The following MCC variants were observed in gnomAD, a reference collection of about 807,000 sequenced individuals.
MCC encodes the protein MCC regulator of Wnt signaling pathway.
In MCC, 90 loss-of-function variants were observed where a neutral mutation model predicts 116.2. That is an observed-to-expected ratio of 0.77 (90% CI 0.65 to 0.92). The LOEUF (loss-of-function observed/expected upper bound fraction) is 0.92, where lower values mean the gene tolerates loss of function less well. MCC is among the 40% of genes least tolerant of loss of function. MCC has a pLI of 0.00. For missense variants in MCC, 1,516 were observed against 1,312.2 expected, an observed-to-expected ratio of 1.16 and a Z score of -2.40; for synonymous variants, 578 against 510.5, an observed-to-expected ratio of 1.13 and a Z score of -1.78.
chr5:113,328,198 A>T (rs1370764977), intron 3 of MCC, among the ~76,000 whole-genome samples: 1 of 152,204 alleles, frequency 6.6e-6, no homozygotes, highest in Non-Finnish European at 1.5e-5. Context: ...TTGAAGAGGG[A>T]CTGGCCATCT....
At chr5:113,392,705 T>C (rs901603264) in intron 1 of MCC, among the ~76,000 whole-genome samples, 2 of 152,160 alleles carry the variant, frequency 1.3e-5, no homozygotes, top group African/African-American at 2.4e-5. Context: ...TGGATGTTTA[T>C]TGTATGCCAG....
chr5:113,081,559 G>C (rs999182414), intron 11 of MCC, among the ~76,000 whole-genome samples: 2 of 152,132 alleles, frequency 1.3e-5, no homozygotes, highest in African/African-American at 4.8e-5. Flanking sequence ...AGAATCTGTA[G>C]AGAGGAGATC....
At chr5:113,038,268 G>C (rs887759698) in intron 17 of MCC, among the ~76,000 whole-genome samples, 3 of 152,070 alleles carry the variant, frequency 2.0e-5, no homozygotes, top group African/African-American at 7.2e-5. Flanking sequence ...ATGTCCAGTG[G>C]GCATGAGGTT....
At position 113,177,651 on chromosome 5, in the gene MCC, AC is replaced by A. The variant is rs199863014; in HGVS notation, c.628-26230del. 1.5e-3 allele frequency among the ~76,000 whole-genome samples: 228 copies of A among 152,226 alleles called. 2 individuals are homozygous for A. Among genetic ancestry groups the A allele is most frequent in the African/African-American group, 5.1e-3 (210 of 41,526 alleles). ...TCACATAAAGACATTATACCAAAAA[AC>A]AAAATTGTTATAGCAATTAGATTTC... On this transcript the variant is annotated intron_variant, in intron 3 of 18. Coordinates refer to ENST00000408903, the MANE Select transcript of MCC (RefSeq NM_001085377.2).
intron 3 of MCC, among the ~76,000 whole-genome samples, chr5:113,219,929 G>A (rs561325166): frequency 1.3e-5 from 2 of 151,662 alleles, no homozygotes; most frequent in South Asian, 2.1e-4. Flanking sequence ...ACATCCTCCC[G>A]GTCAGTGCCA....
intron 3 of MCC, among the ~76,000 whole-genome samples, chr5:113,321,865 T>C (rs564841206): frequency 1.4e-4 from 22 of 152,316 alleles, no homozygotes; most frequent in African/African-American, 5.3e-4. Flanking sequence ...GAAGTCTCGC[T>C]GTGTTGCCCA....
intron 12 of MCC, among the ~76,000 whole-genome samples, chr5:113,068,653 C>T (rs147445670): frequency 6.6e-6 from 1 of 152,252 alleles, no homozygotes; most frequent in Non-Finnish European, 1.5e-5. Context: ...CACTCTCTCT[C>T]ACTTCACTAT....
chr5:113,266,896 A>G (rs572852540), intron 3 of MCC, among the ~76,000 whole-genome samples: 17 of 152,246 alleles, frequency 1.1e-4, no homozygotes, highest in Admixed American at 1.0e-3. Context: ...TCAGGGATCC[A>G]GGTCACATTT....
chr5:113,118,124 C>T (rs894774685), intron 6 of MCC, among the ~76,000 whole-genome samples: 1 of 152,168 alleles, frequency 6.6e-6, no homozygotes, highest in African/African-American at 2.4e-5. Context: ...GATGAAGAGA[C>T]CTCCAGGGCA....
intron 1 of MCC, among the ~76,000 whole-genome samples, chr5:113,395,464 T>A (rs186301195): frequency 6.6e-6 from 1 of 152,140 alleles, no homozygotes; most frequent in Admixed American, 6.5e-5. Context: ...AAGTTAAATA[T>A]CTCCACAGGT....
chr5:113,084,962 G>C (rs550917967), intron 9 of MCC, among the ~76,000 whole-genome samples: 1 of 152,356 alleles, frequency 6.6e-6, no homozygotes, highest in African/African-American at 2.4e-5. Context: ...CTGGCGTCCA[G>C]GTTGCAGCTG....
chr5:113,207,982 T>C (rs1762980395), intron 3 of MCC, among the ~76,000 whole-genome samples: 1 of 152,070 alleles, frequency 6.6e-6, no homozygotes, highest in Non-Finnish European at 1.5e-5. Flanking sequence ...AGGGAAATTA[T>C]CCAGCTAAAT....
At chr5:113,105,006 T>A (rs1207599550) in intron 6 of MCC, among the ~76,000 whole-genome samples, 1 of 152,254 alleles carries the variant, frequency 6.6e-6, no homozygotes, top group Non-Finnish European at 1.5e-5. Flanking sequence ...TTTGAACCGC[T>A]GGACATCCAG....
chr5:113,194,521 G>A (rs182365496), intron 3 of MCC, among the ~76,000 whole-genome samples: 2 of 152,198 alleles, frequency 1.3e-5, no homozygotes, highest in South Asian at 2.1e-4. Flanking sequence ...AAAACTAACC[G>A]AGCATGCATG....
intron 2 of MCC, among the ~76,000 whole-genome samples, chr5:113,383,268 T>C (rs1004310327): frequency 6.6e-6 from 1 of 152,210 alleles, no homozygotes; most frequent in African/African-American, 2.4e-5. Flanking sequence ...ACTATGTATG[T>C]GTGTACACTT....
chr5:113,126,115 TTTCA>T (rs2150273164), intron 5 of MCC, among the ~76,000 whole-genome samples: 1 of 152,366 alleles, frequency 6.6e-6, no homozygotes, highest in Admixed American at 6.5e-5. Context: ...ATGCATATTC[TTTCA>T]TTCATGTAGA....
intron 3 of MCC, among the ~76,000 whole-genome samples, chr5:113,177,346 A>G (rs970515192): frequency 6.6e-6 from 1 of 152,252 alleles, no homozygotes; most frequent in African/African-American, 2.4e-5. Context: ...ACTAACATTG[A>G]CTAGTTCCTC....
chr5:113,238,409 T>A (rs1193159022), intron 3 of MCC, among the ~76,000 whole-genome samples: 1 of 152,320 alleles, frequency 6.6e-6, no homozygotes, highest in Non-Finnish European at 1.5e-5. Context: ...TATTTCCTAT[T>A]TGGCAATTAT....
At position 113,085,172 on chromosome 5, in the gene MCC, T is replaced by A; in HGVS notation, c.1537A>T (p.Ile513Phe). 3.1e-6 allele frequency: 5 copies of A among 1,614,140 alleles called. No individual in the cohort carries two copies. The highest frequency in any genetic ancestry group is 4.2e-6 in the Non-Finnish European group (5 of 1,180,024). Residue 513 changes from isoleucine to phenylalanine, a missense_variant, in exon 9 of 19, where the codon ATC becomes TTC. Physicochemically the swap from Ile to Phe is conservative, Grantham distance 21. Transcript: ENST00000408903. The part of the protein sequence containing the change: ...STSSSSNDIP[I>F]AKIAERVKLS... ...CATCCCCAGGAACTCACCTTGGCGA[T>A]GGGAATGTCATTGCTGCTGCTGCTT...
Sources: gnomAD v4.1 joint callset for allele counts (sites outside exome capture counted in the v4.1 genomes callset) on GRCh38, gnomAD v4.1.1 for gene constraint, MANE v1.5 for transcripts, NCBI Gene and HGNC (gene_info 2026-07-23, HGNC 2026-07-21) for gene names.